Variants in EYS observed in about 807,000 individuals in gnomAD.
EYS encodes protein eyes shut homolog.
In EYS, 250 loss-of-function variants were observed where a neutral mutation model predicts 282.1. That is an observed-to-expected ratio of 0.89 (90% confidence interval 0.80 to 0.98). The LOEUF (loss-of-function observed/expected upper bound fraction) is 0.98. Among genes scored for constraint, EYS ranks in the 50% least tolerant of loss-of-function variants. EYS has a pLI of 0.00. For missense variants in EYS, 4,016 were observed against 3,709.0 expected (o/e 1.08, Z -2.15); for synonymous variants, 1,355 against 1,282.9 (o/e 1.06, Z -1.20).
At chr6:65,013,018 T>C (rs2150134264) in intron 13 of EYS, among the ~76,000 whole-genome samples, 1 of 152,254 alleles carries the variant, frequency 6.6e-6, no homozygotes, top group South Asian at 2.1e-4. Flanking sequence ...TACTATTTTA[T>C]CATAATCAAA....
rs9453249 is a variant in EYS, at chr6:65,306,496, C to G, written c.1767-10377G>C. Among the ~76,000 whole-genome samples the G allele has an allele frequency of 8.6e-3, 1,311 of 152,236 alleles. 17 individuals carry two copies. Among genetic ancestry groups the G allele is most frequent in the African/African-American group, 0.03 (1,237 of 41,528 alleles). On this transcript the variant is annotated intron_variant, in intron 11 of 42. Transcript: ENST00000503581. ...TTTCTACTTATTTCGCTTTTGGAAT[C>G]AGCTTACAGATTCCAGGTCCCTTTT...
intron 11 of EYS, among the ~76,000 whole-genome samples, chr6:65,321,391 T>C (rs1221143975): frequency 7.9e-5 from 12 of 151,884 alleles, no homozygotes; most frequent in Admixed American, 7.9e-4. Flanking sequence ...TGGAAAGATT[T>C]GGTGTCAACC....
chr6:64,299,622 G>A (rs1006213875), intron 30 of EYS, among the ~76,000 whole-genome samples: 2 of 152,148 alleles, frequency 1.3e-5, no homozygotes, highest in Admixed American at 6.5e-5. Flanking sequence ...TTTCATCATG[G>A]GACAACAGTT....
chr6:64,722,805 A>C (rs949575263), intron 22 of EYS, among the ~76,000 whole-genome samples: 1 of 152,298 alleles, frequency 6.6e-6, no homozygotes, highest in Middle Eastern at 3.4e-3. Context: ...AAACAAATCT[A>C]AAAAGTGATA....
At chr6:64,111,297 A>G (rs931671127) in intron 31 of EYS, among the ~76,000 whole-genome samples, 5 of 152,092 alleles carry the variant, frequency 3.3e-5, no homozygotes, top group African/African-American at 4.8e-5. Flanking sequence ...CAAATCTCAT[A>G]GCAAGATATT....
intron 22 of EYS, among the ~76,000 whole-genome samples, chr6:64,809,328 A>G (rs376094324): frequency 1.3e-4 from 20 of 152,256 alleles, no homozygotes; most frequent in African/African-American, 4.3e-4. Flanking sequence ...ACAGAATATA[A>G]TAATATGGCT....
intron 30 of EYS, among the ~76,000 whole-genome samples, chr6:64,266,901 TAGTG>T (rs1480081538): frequency 2.1e-4 from 32 of 152,222 alleles, no homozygotes; most frequent in Admixed American, 1.2e-3. Flanking sequence ...CCACTGCAAA[TAGTG>T]AGCACTAAAG....
At chr6:65,119,450 A>G (rs1213444532) in intron 12 of EYS, among the ~76,000 whole-genome samples, 1 of 152,116 alleles carries the variant, frequency 6.6e-6, no homozygotes, top group African/African-American at 2.4e-5. Flanking sequence ...CAATCATATT[A>G]TGATTCAAAT....
At chr6:64,421,536 A>T (rs1209933137) in intron 28 of EYS, among the ~76,000 whole-genome samples, 2 of 151,996 alleles carry the variant, frequency 1.3e-5, no homozygotes, top group Non-Finnish European at 2.9e-5. Flanking sequence ...TATCTAGGGA[A>T]TTTTTTTTAA....
chr6:65,340,658 T>C (rs1204412535), intron 10 of EYS, among the ~76,000 whole-genome samples: 2 of 151,146 alleles, frequency 1.3e-5, no homozygotes, highest in East Asian at 2.0e-4. Context: ...AAATACCCTC[T>C]ACAACTGACT....
In EYS at chr6:63,768,607, CACACTT is replaced by C. The variant is rs137916679; in HGVS notation, c.7899-5980_7899-5975del. On this transcript the variant is annotated intron_variant, in intron 40 of 42. Transcript: ENST00000503581. ...ATTGGTGAGGTTGCAATGAAAAGGGCACACTTACACATTGCTAGTGGGAATGTAAAT... is the reference window on the plus strand; with the variant it reads ...ATTGGTGAGGTTGCAATGAAAAGGGCACACATTGCTAGTGGGAATGTAAAT... Among the ~76,000 whole-genome samples, 850 of 152,022 alleles carry C rather than the reference CACACTT, an allele frequency of 5.6e-3. 6 individuals are homozygous for C. Among genetic ancestry groups the C allele is most frequent in the African/African-American group, 0.02 (819 of 41,482 alleles).
At chr6:64,653,138 G>A (rs919517272) in intron 22 of EYS, among the ~76,000 whole-genome samples, 1 of 152,032 alleles carries the variant, frequency 6.6e-6, no homozygotes, top group Non-Finnish European at 1.5e-5. Context: ...GGAGAGAAAT[G>A]CACCAAGGGA....
chr6:64,147,574 A>T (rs900535422), intron 31 of EYS, among the ~76,000 whole-genome samples: 4 of 152,220 alleles, frequency 2.6e-5, no homozygotes, highest in African/African-American at 9.6e-5. Context: ...ATGACCTGCC[A>T]GGAGGCTAAT....
intron 30 of EYS, among the ~76,000 whole-genome samples, chr6:64,237,984 C>T (rs1256403182): frequency 6.6e-6 from 1 of 152,080 alleles, no homozygotes; most frequent in Non-Finnish European, 1.5e-5. Flanking sequence ...TGTTACTCCT[C>T]TTTTTTGAAT....
In EYS at chr6:63,815,741, A is replaced by G. The variant is rs547634701; in HGVS notation, c.7229-9369T>C. ...TAGATAATAAATAAAAAACTGGTTTAAAAGATCCATATGTCCTTAAAGGTT... is the reference window on the plus strand; with the variant it reads ...TAGATAATAAATAAAAAACTGGTTTGAAAGATCCATATGTCCTTAAAGGTT... On this transcript the variant is annotated intron_variant, in intron 36 of 42. Transcript: ENST00000503581. 1.2e-4 allele frequency among the ~76,000 whole-genome samples: 18 copies of G among 152,358 alleles called. No individual in the cohort carries two copies. In the South Asian group the frequency reaches 3.7e-3, roughly 32 times the overall value.
At chr6:65,475,055 C>A (rs1478127332) in intron 5 of EYS, among the ~76,000 whole-genome samples, 2 of 151,994 alleles carry the variant, frequency 1.3e-5, no homozygotes, top group Non-Finnish European at 2.9e-5. Context: ...CAGATTTTTT[C>A]AGACAAAAGT....
Position 64,993,736 on chromosome 6 carries a change from A to T in EYS, c.2259+3846T>A, listed in dbSNP as rs552891468. Among the ~76,000 whole-genome samples the T allele has an allele frequency of 7.3e-5, 11 of 150,906 alleles. 1 individual carries two copies. The highest frequency in any genetic ancestry group is 2.7e-4 in the African/African-American group (11 of 41,266). On this transcript the variant is annotated intron_variant, in intron 14 of 42. Transcript: ENST00000503581. ...AAACTTAAAGTATAATTAAAAAAAAACCAAAATAATGAAAAAAAAATTGAC... is the reference window on the plus strand; with the variant it reads ...AAACTTAAAGTATAATTAAAAAAAATCCAAAATAATGAAAAAAAAATTGAC...
Position 64,686,507 on chromosome 6 carries a change from C to T in EYS, c.3444-60262G>A, listed in dbSNP as rs936847903. ...GTGTTATCCCAGCTCTTTGGGAGGCCGAGGCGGGCGGATCACGAGGTCAGG... is the reference window on the plus strand; with the variant it reads ...GTGTTATCCCAGCTCTTTGGGAGGCTGAGGCGGGCGGATCACGAGGTCAGG... On this transcript the variant is annotated intron_variant, in intron 22 of 42. Transcript: ENST00000503581. Among the ~76,000 whole-genome samples, 28 of 150,940 alleles carry T rather than the reference C, an allele frequency of 1.9e-4. 3 individuals are homozygous for T. Among genetic ancestry groups the T allele is most frequent in the East Asian group, 2.0e-4 (1 of 5,126 alleles).
chr6:64,829,867 T>C (rs929176145), intron 19 of EYS, among the ~76,000 whole-genome samples: 1 of 151,928 alleles, frequency 6.6e-6, no homozygotes, highest in Admixed American at 6.6e-5. Context: ...AAAATATAGG[T>C]TCCAGGAATC....
Sources: allele counts gnomAD v4.1 joint callset (sites outside exome capture counted in the v4.1 genomes callset), GRCh38; gene constraint gnomAD v4.1.1; transcripts MANE v1.5; gene names NCBI Gene and HGNC (gene_info 2026-07-23, HGNC 2026-07-21).